Variants in LHFPL6 observed in about 807,000 individuals in gnomAD.
The protein encoded by LHFPL6 is LHFPL tetraspan subfamily member 6 protein.
LHFPL6 carries 9 observed loss-of-function variants against 20.6 expected under a neutral mutation model. That is an observed-to-expected ratio of 0.44 (90% confidence interval 0.26 to 0.76). The LOEUF is 0.76. LHFPL6 is among the 30% of genes least tolerant of loss of function. LHFPL6 has a pLI of 0.20. For missense variants in LHFPL6, 218 were observed against 253.5 expected, an observed-to-expected ratio of 0.86 and a Z score of 0.95; for synonymous variants, 105 against 98.7, an observed-to-expected ratio of 1.06 and a Z score of -0.38.
At chr13:39,468,155 C>CA (rs1250162094) in intron 2 of LHFPL6, among the ~76,000 whole-genome samples, 1 of 152,212 alleles carries the variant, frequency 6.6e-6, no homozygotes, top group African/African-American at 2.4e-5. Context: ...TACATAAACT[C>CA]AAGTCTTCAC....
intron 2 of LHFPL6, among the ~76,000 whole-genome samples, chr13:39,512,611 A>AAAAAAAAAAAG (rs1555265750): frequency 2.0e-5 from 3 of 150,676 alleles, no homozygotes; most frequent in East Asian, 2.0e-4. Flanking sequence ...CAAAAAAAAA[A>AAAAAAAAAAAG]AAAAGAAAAG....
chr13:39,513,700 T>C (rs1445445733), intron 2 of LHFPL6, among the ~76,000 whole-genome samples: 1 of 152,190 alleles, frequency 6.6e-6, no homozygotes, highest in African/African-American at 2.4e-5. Flanking sequence ...TATTATTTCC[T>C]TTTTACAGTT....
At chr13:39,464,352 G>A (rs1176914542) in intron 2 of LHFPL6, among the ~76,000 whole-genome samples, 1 of 152,044 alleles carries the variant, frequency 6.6e-6, no homozygotes, top group Admixed American at 6.5e-5. Flanking sequence ...AAACAGCAAA[G>A]GATAATCATT....
At chr13:39,351,554 T>C (rs1414596566) in intron 3 of LHFPL6, among the ~76,000 whole-genome samples, 11 of 152,224 alleles carry the variant, frequency 7.2e-5, no homozygotes, top group Admixed American at 7.2e-4. Context: ...TATTTTACCT[T>C]ACCCCTTCAA....
rs546219094 is a variant in LHFPL6, at chr13:39,392,212, A to G, written c.386-13686T>C. ...TTACAAAGGAAGAAGTATTTAAAAT[A>G]CTACCACAAGCGGTCACAATGACTC... On this transcript the variant is annotated intron_variant, in intron 2 of 3. Coordinates refer to ENST00000379589, the MANE Select transcript of LHFPL6 (RefSeq NM_005780.3). Among the ~76,000 whole-genome samples, 156 of 152,358 alleles carry G rather than the reference A, an allele frequency of 1.0e-3. 1 individual carries two copies. The highest frequency in any genetic ancestry group is 6.8e-3 in the Middle Eastern group (2 of 294).
chr13:39,510,051 A>G (rs1221128839), intron 2 of LHFPL6, among the ~76,000 whole-genome samples: 1 of 152,262 alleles, frequency 6.6e-6, no homozygotes, highest in Non-Finnish European at 1.5e-5. Context: ...CACGGTGCTC[A>G]AAGAGAATCC....
chr13:39,409,441 G>A (rs900280720), intron 2 of LHFPL6, among the ~76,000 whole-genome samples: 1 of 151,944 alleles, frequency 6.6e-6, no homozygotes, highest in Admixed American at 6.6e-5. Context: ...GCAACGGAGT[G>A]AGACTCCATC....
At chr13:39,518,766 G>A (rs986861405) in intron 2 of LHFPL6, among the ~76,000 whole-genome samples, 6 of 152,056 alleles carry the variant, frequency 3.9e-5, no homozygotes, top group African/African-American at 7.2e-5. Context: ...CCCATCCCCC[G>A]CCATCCCCCT....
At chr13:39,530,665 C>A (rs1275938191) in intron 2 of LHFPL6, among the ~76,000 whole-genome samples, 2 of 151,912 alleles carry the variant, frequency 1.3e-5, no homozygotes, top group African/African-American at 4.8e-5. Context: ...TTCATAAAAC[C>A]TTTTCCTTCT....
chr13:39,593,348 T>G (rs920544757), intron 2 of LHFPL6, among the ~76,000 whole-genome samples: 1 of 152,080 alleles, frequency 6.6e-6, no homozygotes, highest in Non-Finnish European at 1.5e-5. Flanking sequence ...AAATCATGAG[T>G]GAACTCCCAT....
intron 3 of LHFPL6, among the ~76,000 whole-genome samples, chr13:39,372,142 T>C (rs559870152): frequency 6.6e-6 from 1 of 152,218 alleles, no homozygotes; most frequent in Non-Finnish European, 1.5e-5. Context: ...TCACACGTTC[T>C]TCCTGAACAT....
chr13:39,556,987 G>A (rs1037284620), intron 2 of LHFPL6, among the ~76,000 whole-genome samples: 1 of 152,068 alleles, frequency 6.6e-6, no homozygotes, highest in Non-Finnish European at 1.5e-5. Context: ...TAAATAATAG[G>A]AGCAGAGCAT....
At chr13:39,475,113 C>A (rs1873050080) in intron 2 of LHFPL6, among the ~76,000 whole-genome samples, 2 of 152,130 alleles carry the variant, frequency 1.3e-5, no homozygotes, top group Non-Finnish European at 2.9e-5. Flanking sequence ...CAGAGAACCA[C>A]ACAGCCGACA....
chr13:39,589,553 T>A (rs1359574823), intron 2 of LHFPL6, among the ~76,000 whole-genome samples: 3 of 152,232 alleles, frequency 2.0e-5, no homozygotes. Flanking sequence ...TGGACTTTTT[T>A]TTATTATGAT....
intron 2 of LHFPL6, among the ~76,000 whole-genome samples, chr13:39,568,711 A>G (rs1273151675): frequency 6.6e-6 from 1 of 152,168 alleles, no homozygotes; most frequent in Non-Finnish European, 1.5e-5. Flanking sequence ...CCATCTCAGA[A>G]GCTCCAGGCT....
At chr13:39,588,653 G>C (rs2138546384) in intron 2 of LHFPL6, among the ~76,000 whole-genome samples, 1 of 152,286 alleles carries the variant, frequency 6.6e-6, no homozygotes, top group Non-Finnish European at 1.5e-5. Context: ...GTTCTAAGGG[G>C]ACATTGCTTA....
intron 2 of LHFPL6, among the ~76,000 whole-genome samples, chr13:39,502,961 T>C (rs1323245669): frequency 6.6e-6 from 1 of 152,200 alleles, no homozygotes; most frequent in African/African-American, 2.4e-5. Context: ...GGTGCGATCA[T>C]AGCTTATGGC....
chr13:39,565,332 G>GT (rs57455663), intron 2 of LHFPL6, among the ~76,000 whole-genome samples: 17,723 of 151,934 alleles, frequency 0.12, 1,315 homozygotes, highest in East Asian at 0.38. Flanking sequence ...AAAAAGAAAG[G>GT]TTTTTTAAAT....
chr13:39,346,297 C>T (rs565798934), intron 3 of LHFPL6, among the ~76,000 whole-genome samples: 2 of 152,280 alleles, frequency 1.3e-5, no homozygotes, highest in East Asian at 1.9e-4. Context: ...ACACAGACAT[C>T]AAGCTATGTT....
Sources: allele counts gnomAD v4.1 joint callset (sites outside exome capture counted in the v4.1 genomes callset), GRCh38; gene constraint gnomAD v4.1.1; transcripts MANE v1.5; gene names NCBI Gene and HGNC (gene_info 2026-07-23, HGNC 2026-07-21).